Variants in SORCS2 observed in about 807,000 individuals in gnomAD.
SORCS2 encodes VPS10 domain-containing receptor SorCS2.
SORCS2 carries 100 observed loss-of-function variants against 141.6 expected under a neutral mutation model. The ratio of observed to expected loss-of-function variants is 0.71; its 90% CI spans 0.60 to 0.83. The LOEUF is 0.83. Ranked by LOEUF, SORCS2 falls within the 40% of genes least tolerant of loss-of-function variation. SORCS2 has a pLI of 0.00. For missense variants in SORCS2, 1,646 were observed against 1,560.2 expected (o/e 1.05, Z -0.93); for synonymous variants, 789 against 676.9 (o/e 1.17, Z -2.57).
chr4:7,351,033 T>G (rs1577432413), intron 1 of SORCS2, among the ~76,000 whole-genome samples: 1 of 152,292 alleles, frequency 6.6e-6, no homozygotes, highest in Admixed American at 6.5e-5. Flanking sequence ...GCTGCCCATA[T>G]TGTCCCACTG....
chr4:7,266,875 CCT>C (rs927397689), intron 1 of SORCS2, among the ~76,000 whole-genome samples: 2 of 152,172 alleles, frequency 1.3e-5, no homozygotes, highest in Non-Finnish European at 2.9e-5. Context: ...AGCTCGGCCC[CCT>C]GTCGCCACGC....
At chr4:7,353,415 C>T (rs1045943034) in intron 1 of SORCS2, among the ~76,000 whole-genome samples, 4 of 152,212 alleles carry the variant, frequency 2.6e-5, no homozygotes, top group African/African-American at 9.6e-5. Context: ...TAGAAGGAGA[C>T]AGGCACCCAG....
rs1722557345 is a variant in SORCS2, at chr4:7,667,227, C to T, written c.1161+14C>T. The T allele has an allele frequency of 1.9e-6, 3 of 1,612,240 alleles. No individual in the cohort carries two copies. The highest frequency in any genetic ancestry group is 1.7e-6 in the Non-Finnish European group (2 of 1,178,292). ...GCATTGCCAAAGGTAAGGTGCTCCC[C>T]ATTCCGCCTGGTCCTGTGGCCAGAC... On this transcript the variant is annotated intron_variant, in intron 8 of 26. Transcript: ENST00000507866.
rs1031155720 is a variant in SORCS2 at position 7,233,392 on chromosome 4, A to G, written c.480+40266A>G. On this transcript the variant is annotated intron_variant, in intron 1 of 26. Transcript: ENST00000507866. The surrounding 1 kb of genome is among the most constrained non-coding windows in gnomAD (Gnocchi z 4.5). Reference sequence around the variant, plus strand: ...CTGCTCCAGGGCAGACGTAGCCCTCATCACGTCCTCCACAGCCTCCACAGC... The same window carrying G: ...CTGCTCCAGGGCAGACGTAGCCCTCGTCACGTCCTCCACAGCCTCCACAGC... Among the ~76,000 whole-genome samples the G allele has an allele frequency of 6.6e-6, 1 of 152,128 alleles. No individual in the cohort carries two copies. Among genetic ancestry groups the G allele is most frequent in the African/African-American group, 2.4e-5 (1 of 41,430 alleles).
At chr4:7,465,560 C>T (rs1239905140) in intron 2 of SORCS2, among the ~76,000 whole-genome samples, 1 of 152,012 alleles carries the variant, frequency 6.6e-6, no homozygotes, top group Non-Finnish European at 1.5e-5. Flanking sequence ...TGTGTGTCCC[C>T]CTCTCCAGGG....
chr4:7,254,943 C>T (rs186956947), intron 1 of SORCS2, among the ~76,000 whole-genome samples: 2 of 152,200 alleles, frequency 1.3e-5, no homozygotes, highest in African/African-American at 2.4e-5. Flanking sequence ...TCCGATGCTA[C>T]ATCTGCAGCC....
At chr4:7,604,677 C>A (rs1254426614) in intron 3 of SORCS2, among the ~76,000 whole-genome samples, 1 of 152,224 alleles carries the variant, frequency 6.6e-6, no homozygotes, top group South Asian at 2.1e-4. Context: ...GAAGAAGGTG[C>A]CTGCTTCCCC....
chr4:7,709,840 G>A (rs1188836144), intron 14 of SORCS2, among the ~76,000 whole-genome samples: 1 of 152,186 alleles, frequency 6.6e-6, no homozygotes, highest in Non-Finnish European at 1.5e-5. Flanking sequence ...AGAGCAGGGA[G>A]GGGTCCCCAG....
chr4:7,285,571 C>T (rs1164135607), intron 1 of SORCS2, among the ~76,000 whole-genome samples: 2 of 152,228 alleles, frequency 1.3e-5, no homozygotes, highest in Non-Finnish European at 2.9e-5. Flanking sequence ...CCTCTGCCAG[C>T]CAAGGCGCGA....
intron 2 of SORCS2, among the ~76,000 whole-genome samples, chr4:7,498,745 G>T (rs1731782514): frequency 6.6e-6 from 1 of 152,256 alleles, no homozygotes; most frequent in Non-Finnish European, 1.5e-5. Context: ...ACACCACAGA[G>T]TGCCTACTGG....
chr4:7,557,333 C>T (rs945675684), intron 3 of SORCS2, among the ~76,000 whole-genome samples: 1 of 152,128 alleles, frequency 6.6e-6, no homozygotes, highest in African/African-American at 2.4e-5. Context: ...CAAATGGTTT[C>T]TCATATCTGA....
At chr4:7,707,152 C>T (rs1350214176) in intron 14 of SORCS2, among the ~76,000 whole-genome samples, 1 of 152,218 alleles carries the variant, frequency 6.6e-6, no homozygotes, top group Non-Finnish European at 1.5e-5. Context: ...TATGAGGATG[C>T]TCTTCTGCTC....
intron 2 of SORCS2, among the ~76,000 whole-genome samples, chr4:7,496,647 A>G (rs1350285504): frequency 6.6e-6 from 1 of 152,052 alleles, no homozygotes; most frequent in African/African-American, 2.4e-5. Flanking sequence ...AGTGGCCGGG[A>G]GAAAGGACAG....
chr4:7,285,730 A>T (rs1174482163), intron 1 of SORCS2, among the ~76,000 whole-genome samples: 1 of 152,160 alleles, frequency 6.6e-6, no homozygotes, highest in South Asian at 2.1e-4. Flanking sequence ...CCGCCAACAG[A>T]AGCTTCCGGA....
chr4:7,470,648 G>A (rs953559022), intron 2 of SORCS2, among the ~76,000 whole-genome samples: 1 of 150,598 alleles, frequency 6.6e-6, no homozygotes, highest in Non-Finnish European at 1.5e-5. Flanking sequence ...AGAGACACAG[G>A]TGATGATCTG....
intron 2 of SORCS2, among the ~76,000 whole-genome samples, chr4:7,511,582 G>C (rs182145873): frequency 7.4e-4 from 112 of 152,240 alleles, no homozygotes; most frequent in Middle Eastern, 6.8e-3. Flanking sequence ...GCCTGGGGTG[G>C]GGGCAGAGAG....
chr4:7,221,733 G>A (rs887787963), intron 1 of SORCS2, among the ~76,000 whole-genome samples: 6 of 152,252 alleles, frequency 3.9e-5, no homozygotes, highest in African/African-American at 7.2e-5. Context: ...CTGCTGGGCC[G>A]TGGAGCGGGC....
chr4:7,699,321 A>G (rs1724906845), intron 12 of SORCS2, among the ~76,000 whole-genome samples: 2 of 152,172 alleles, frequency 1.3e-5, no homozygotes, highest in South Asian at 4.2e-4. Context: ...CCCCAAGCTA[A>G]TGAGAGCAGA....
At chr4:7,320,566 C>T (rs528011177) in intron 1 of SORCS2, among the ~76,000 whole-genome samples, 91 of 152,342 alleles carry the variant, frequency 6.0e-4, no homozygotes, top group African/African-American at 1.6e-3. Context: ...GTCTGCCAGA[C>T]GGCTGCAGGT....
Sources: allele counts gnomAD v4.1 joint callset (sites outside exome capture counted in the v4.1 genomes callset), GRCh38; gene constraint gnomAD v4.1.1; non-coding constraint Gnocchi (gnomAD v3.1); transcripts MANE v1.5; gene names NCBI Gene and HGNC (gene_info 2026-07-23, HGNC 2026-07-21).